Variants in TMBIM4 observed in about 807,000 individuals in gnomAD.
TMBIM4 encodes the protein transmembrane BAX inhibitor motif containing 4, also known as protein lifeguard 4.
A neutral mutation model predicts 27.7 loss-of-function variants in TMBIM4; 28 were observed. That is an observed-to-expected ratio of 1.01 (90% CI 0.75 to 1.38). TMBIM4 has a LOEUF of 1.38. TMBIM4 is among the 40% of genes most tolerant of loss of function. TMBIM4 has a pLI of 0.00. For synonymous variants in TMBIM4, 115 were observed against 113.1 expected, an observed-to-expected ratio of 1.02 and a Z score of -0.11; for missense variants, 265 against 277.5, an observed-to-expected ratio of 0.95 and a Z score of 0.32.
At chr12:66,156,201 T>C (rs1467583147) in intron 1 of TMBIM4, among the ~76,000 whole-genome samples, 1 of 152,160 alleles carries the variant, frequency 6.6e-6, no homozygotes, top group Admixed American at 6.5e-5. Context: ...ACAGCAAGAT[T>C]TTCCAATTTT....
At chr12:66,146,922 T>C in intron 4 of TMBIM4, among the ~76,000 whole-genome samples, 1 of 152,142 alleles carries the variant, frequency 6.6e-6, no homozygotes, top group East Asian at 1.9e-4. Flanking sequence ...CTGAGGAAAA[T>C]AATGTTCTCA....
At chr12:66,146,892 T>A (rs1320369471) in intron 4 of TMBIM4, among the ~76,000 whole-genome samples, 1 of 152,134 alleles carries the variant, frequency 6.6e-6, no homozygotes, top group African/African-American at 2.4e-5. Flanking sequence ...TACGATTAGG[T>A]TGAAAAGATA....
intron 1 of TMBIM4, chr12:66,160,082 T>C (rs1409767190): frequency 4.6e-6 from 3 of 649,514 alleles, no homozygotes; most frequent in African/African-American, 3.6e-5. Context: ...TTACATATCC[T>C]CTACAACTGC....
chr12:66,158,910 A>AG (rs2051991332), intron 1 of TMBIM4, among the ~76,000 whole-genome samples: 1 of 152,106 alleles, frequency 6.6e-6, no homozygotes, highest in African/African-American at 2.4e-5. Flanking sequence ...CTTTGAGGGG[A>AG]GCTGTATTTA....
At chr12:66,165,972 C>T (rs1033781057) in intron 1 of TMBIM4, among the ~76,000 whole-genome samples, 9 of 152,150 alleles carry the variant, frequency 5.9e-5, no homozygotes, top group Admixed American at 2.0e-4. Flanking sequence ...TTTGGTGTCA[C>T]GCCCAAGAAA....
Position 66,160,059 on chromosome 12 carries a change from C to T in TMBIM4, c.98-6611G>A. The T allele has an allele frequency of 6.8e-6, 4 of 592,440 alleles. No homozygotes were observed. In the Admixed American group the frequency reaches 8.6e-5, roughly 13 times the overall value. The allele number at this position is 592,440 out of a possible 1,614,324, so 36.7% of individuals were successfully genotyped here. On this transcript the variant is annotated intron_variant, in intron 1 of 6. Transcript: ENST00000358230. ...TTGTAACTGAAGTTTTATTGGGACA[C>T]AATCACACTCACTTACATATCCTCT...
intron 1 of TMBIM4, among the ~76,000 whole-genome samples, chr12:66,167,430 T>C (rs1290714798): frequency 6.6e-6 from 1 of 152,194 alleles, no homozygotes; most frequent in Non-Finnish European, 1.5e-5. Flanking sequence ...AAAAATTAAT[T>C]GGGCAAAGGA....
At chr12:66,146,107 C>G (rs1362000965) in intron 4 of TMBIM4, 149 bp from the exon 5 acceptor site, 1 of 523,886 alleles carries the variant, frequency 1.9e-6, no homozygotes, top group Non-Finnish European at 3.4e-6. Context: ...TCCTTGACTA[C>G]ATGGGTACAG....
chr12:66,137,298 T>TA lies in TMBIM4; in HGVS notation c.*661dup, dbSNP rs1164727014. ...CTTAATAATTCAGGGAAAATTTAGA[T>TA]AAAATCACTAGACAACGGTAAACTG... On this transcript the variant is annotated 3_prime_UTR_variant, in exon 7 of 7. Coordinates refer to ENST00000358230, the MANE Select transcript of TMBIM4 (RefSeq NM_016056.4). 6.6e-5 allele frequency: 10 copies of TA among 152,198 alleles called. No homozygotes were observed. Among genetic ancestry groups the TA allele is most frequent in the African/African-American group, 1.9e-4 (8 of 41,442 alleles). 9.4% of individuals were successfully genotyped at this position (152,198 alleles called of 1,614,324 possible). A position where few individuals can be genotyped will look rare whatever the true frequency, so the allele number is the denominator to read the frequency against.
rs1199510009 is a variant in TMBIM4 at position 66,137,313 on chromosome 12, A to T, written c.*647T>A. 6.6e-6 allele frequency: 1 copy of T among 152,228 alleles called. No homozygotes were observed. The highest frequency in any genetic ancestry group is 2.4e-5 in the African/African-American group (1 of 41,450). 9.4% of individuals were successfully genotyped at this position (152,228 alleles called of 1,614,324 possible). A position where few individuals can be genotyped will look rare whatever the true frequency, so the allele number is the denominator to read the frequency against. ...AAAATTTAGATAAAATCACTAGACA[A>T]CGGTAAACTGATATTCTTATCTACT... On this transcript the variant is annotated 3_prime_UTR_variant, in exon 7 of 7. Transcript: ENST00000358230.
intron 1 of TMBIM4, among the ~76,000 whole-genome samples, chr12:66,166,986 G>A (rs2052141691): frequency 6.6e-6 from 1 of 152,190 alleles, no homozygotes; most frequent in South Asian, 2.1e-4. Flanking sequence ...GCCATGCAAA[G>A]ACATGTAGAA....
At chr12:66,163,085 C>A (rs1243917541) in intron 1 of TMBIM4, among the ~76,000 whole-genome samples, 1 of 152,188 alleles carries the variant, frequency 6.6e-6, no homozygotes, top group Non-Finnish European at 1.5e-5. Context: ...ACCAAGGCCT[C>A]TCTAATGAAT....
At chr12:66,161,006 C>CCA (rs879932418) in intron 1 of TMBIM4, 533 of 150,366 alleles carry the variant, frequency 3.5e-3, no homozygotes, top group East Asian at 0.017. Flanking sequence ...CGGGCAGCGG[C>CCA]GGGTCAGAGG....
chr12:66,145,758 A>T (rs540979079), intron 5 of TMBIM4, 83 bp downstream of exon 5: 13 of 771,654 alleles, frequency 1.7e-5, no homozygotes, highest in Non-Finnish European at 2.5e-5. Context: ...GTACCCAAAA[A>T]TAACAGTGTA....
chr12:66,148,862 A>C (rs969791635), intron 3 of TMBIM4, among the ~76,000 whole-genome samples: 13 of 152,320 alleles, frequency 8.5e-5, no homozygotes, highest in African/African-American at 3.1e-4. Context: ...TTTCCCCTTA[A>C]TTACAGTATC....
intron 1 of TMBIM4, among the ~76,000 whole-genome samples, chr12:66,155,856 A>G (rs1405941817): frequency 6.6e-6 from 1 of 152,222 alleles, no homozygotes; most frequent in African/African-American, 2.4e-5. Context: ...ATATACATCC[A>G]GGTGTTCGTA....
Position 66,138,088 on chromosome 12 carries a change from CAT to C in TMBIM4, c.587_588del (p.Tyr196Ter), listed in dbSNP as rs1212207452. 6.2e-7 allele frequency: 1 copy of C among 1,613,898 alleles called. No homozygotes were observed. Among genetic ancestry groups the C allele is most frequent in the Non-Finnish European group, 8.5e-7 (1 of 1,179,984 alleles). The part of the protein sequence containing the change: ...GALLFCGFII[Y>X]DTHSLMHKLS... ...AGTTTATGCATCAGTGAGTGTGTGT[CAT>C]AGATGATGAATCCACAGAAAAGAAG... On this transcript the variant is annotated frameshift_variant, in exon 7 of 7. Transcript: ENST00000358230. LOFTEE classifies it high-confidence loss of function.
chr12:66,137,419 C>G lies in TMBIM4; in HGVS notation c.*541G>C, dbSNP rs1232749155. On this transcript the variant is annotated 3_prime_UTR_variant, in exon 7 of 7. Transcript: ENST00000358230. ...AAAAATTTTTTTTTTTTTTTTGAGA[C>G]TGAGTCTCGCTCTGTCACCAGGCTG... 6.7e-6 allele frequency: 1 copy of G among 149,490 alleles called. No homozygotes were observed. The highest frequency in any genetic ancestry group is 2.0e-4 in the East Asian group (1 of 5,128). 9.3% of individuals were successfully genotyped at this position (149,490 alleles called of 1,614,324 possible). A position where few individuals can be genotyped will look rare whatever the true frequency, so the allele number is the denominator to read the frequency against.
intron 1 of TMBIM4, among the ~76,000 whole-genome samples, chr12:66,156,597 TATC>T (rs1273859339): frequency 6.6e-6 from 1 of 152,226 alleles, no homozygotes; most frequent in African/African-American, 2.4e-5. Flanking sequence ...AAGTAAACCA[TATC>T]ATGTGACTCT....
Sources: gnomAD v4.1 joint callset for allele counts (sites outside exome capture counted in the v4.1 genomes callset) on GRCh38, gnomAD v4.1.1 for gene constraint, MANE v1.5 for transcripts, NCBI Gene and HGNC (gene_info 2026-07-23, HGNC 2026-07-21) for gene names.